Variants in WDR25 observed in about 807,000 individuals in gnomAD.
The protein encoded by WDR25 is WD repeat domain 25, also known as WD repeat-containing protein 25.
WDR25 carries 35 observed loss-of-function variants against 47.7 expected under a neutral mutation model. The ratio of observed to expected loss-of-function variants is 0.73; its 90% CI spans 0.56 to 0.97. The LOEUF (loss-of-function observed/expected upper bound fraction) is 0.97, where lower values mean the gene tolerates loss of function less well. Ranked by LOEUF, WDR25 falls within the 50% of genes least tolerant of loss-of-function variation. WDR25 has a pLI of 0.00. For synonymous variants in WDR25, 248 were observed against 278.9 expected (o/e 0.89, Z 1.10); for missense variants, 634 against 704.7 (o/e 0.90, Z 1.14).
chr14:100,520,261 A>G (rs1486726097), intron 4 of WDR25, among the ~76,000 whole-genome samples: 1 of 151,974 alleles, frequency 6.6e-6, no homozygotes, highest in Non-Finnish European at 1.5e-5. Context: ...ATTATTGTTT[A>G]TACTGATTTT....
rs866783066 is a variant in WDR25, at chr14:100,468,594, G to A, written c.970+426G>A. ...CAGCTCATAAGGAAAGTCTTCAAAC[G>A]AGTTCTGCTTTAATGCCCACACTGA... On this transcript the variant is annotated intron_variant, in intron 3 of 6. Coordinates refer to ENST00000402312, the MANE Select transcript of WDR25 (RefSeq NM_001161476.3). This position sits in a 1 kb window ranked among gnomAD's most constrained non-coding sequence, Gnocchi z 4.5. Among the ~76,000 whole-genome samples the A allele has an allele frequency of 2.0e-5, 3 of 152,192 alleles. No individual in the cohort carries two copies. The highest frequency in any genetic ancestry group is 1.9e-4 in the East Asian group (1 of 5,192).
At chr14:100,507,527 A>C (rs1901151582) in intron 4 of WDR25, among the ~76,000 whole-genome samples, 1 of 152,096 alleles carries the variant, frequency 6.6e-6, no homozygotes, top group African/African-American at 2.4e-5. Context: ...GATTCTTCGA[A>C]TCCATGAGCA....
At chr14:100,454,335 T>C (rs2140272454) in intron 2 of WDR25, 1 of 1,268,874 alleles carries the variant, frequency 7.9e-7, no homozygotes. Context: ...TTGACTGAGG[T>C]AATGGGGTAA....
At position 100,381,569 on chromosome 14, in the gene WDR25, G is replaced by A. The variant is rs1047298646; in HGVS notation, c.645G>A (p.Pro215=). 29 of 1,609,974 alleles carry A rather than the reference G, an allele frequency of 1.8e-5. No individual in the cohort carries two copies. The highest frequency in any genetic ancestry group is 4.5e-5 in the East Asian group (2 of 44,728). The change falls in exon 2 of 7, where the codon CCG becomes CCA. Residue 215 remains proline, a synonymous_variant. Coordinates refer to ENST00000402312, the MANE Select transcript of WDR25 (RefSeq NM_001161476.3). ...GRAPAPLYVG[P]GVSEFIQPYL... The stretch of plus-strand genomic sequence containing the variant: ...CCCCAGCCCCTCTCTACGTGGGCCC[G>A]GGAGTGTCTGAGTTTATTCAGCCAT...
intron 4 of WDR25, among the ~76,000 whole-genome samples, chr14:100,524,518 C>T (rs1237699220): frequency 6.6e-6 from 1 of 152,218 alleles, no homozygotes; most frequent in Non-Finnish European, 1.5e-5. Context: ...GGCAGCTTGT[C>T]TCCCTGTTCT....
At chr14:100,454,541 C>T (rs890085825) in intron 2 of WDR25, 16 of 979,978 alleles carry the variant, frequency 1.6e-5, no homozygotes, top group Non-Finnish European at 1.8e-5. Context: ...ACAAAACTAC[C>T]TGAAGGTATT....
intron 2 of WDR25, 147 bp downstream of exon 2, chr14:100,381,893 T>C (rs1013315037): frequency 1.4e-6 from 1 of 713,032 alleles, no homozygotes; most frequent in African/African-American, 1.8e-5. Flanking sequence ...GAAAGGGTCA[T>C]CTGTGGTCAG....
intron 4 of WDR25, among the ~76,000 whole-genome samples, chr14:100,487,111 G>T (rs1041340200): frequency 2.0e-5 from 3 of 152,062 alleles, no homozygotes; most frequent in Admixed American, 6.6e-5. Flanking sequence ...GCAGACCCTC[G>T]TAAGGTCGTC....
intron 2 of WDR25, among the ~76,000 whole-genome samples, chr14:100,433,722 T>A (rs1167342186): frequency 6.6e-6 from 1 of 152,178 alleles, no homozygotes; most frequent in Non-Finnish European, 1.5e-5. Context: ...CCTAGTTTCT[T>A]AGTTTAACAG....
chr14:100,382,355 G>C (rs1008937180), intron 2 of WDR25, among the ~76,000 whole-genome samples: 1 of 152,160 alleles, frequency 6.6e-6, no homozygotes, highest in Non-Finnish European at 1.5e-5. Flanking sequence ...CTTGGGGATG[G>C]GGGCAGAAGG....
intron 2 of WDR25, among the ~76,000 whole-genome samples, chr14:100,442,330 A>T (rs1898694649): frequency 6.6e-6 from 1 of 152,204 alleles, no homozygotes; most frequent in Non-Finnish European, 1.5e-5. Context: ...CCTTGGGTAG[A>T]TGGTGGTGTA....
intron 4 of WDR25, among the ~76,000 whole-genome samples, chr14:100,508,665 G>T (rs1299839595): frequency 6.6e-6 from 1 of 152,074 alleles, no homozygotes; most frequent in Non-Finnish European, 1.5e-5. Context: ...TTGTGAAAAT[G>T]GACATTTTTG....
chr14:100,488,874 C>T lies in WDR25; in HGVS notation c.1101+4750C>T, dbSNP rs560465678. Reference sequence around the variant, plus strand: ...TTATCCACAGGTGTTTATTTACAGCCGCTTGGTGTGGGAGCCTGAGTCACC... The same window carrying T: ...TTATCCACAGGTGTTTATTTACAGCTGCTTGGTGTGGGAGCCTGAGTCACC... On this transcript the variant is annotated intron_variant, in intron 4 of 6. Transcript: ENST00000402312. This position sits in a 1 kb window ranked among gnomAD's most constrained non-coding sequence, Gnocchi z 4.2. Among the ~76,000 whole-genome samples the T allele has an allele frequency of 7.9e-5, 12 of 152,280 alleles. No homozygotes were observed. The highest frequency in any genetic ancestry group is 1.4e-4 in the African/African-American group (6 of 41,566).
At chr14:100,383,565 C>T (rs2140141005) in intron 2 of WDR25, among the ~76,000 whole-genome samples, 1 of 152,396 alleles carries the variant, frequency 6.6e-6, no homozygotes, top group African/African-American at 2.4e-5. Context: ...TGGTGAGGGG[C>T]AGACCTGGGG....
At chr14:100,519,100 A>G (rs933075323) in intron 4 of WDR25, among the ~76,000 whole-genome samples, 5 of 152,124 alleles carry the variant, frequency 3.3e-5, no homozygotes, top group Non-Finnish European at 5.9e-5. Context: ...TTAAAACACA[A>G]AAGTGAATAC....
chr14:100,393,356 C>A (rs1382594962), intron 2 of WDR25, among the ~76,000 whole-genome samples: 1 of 152,190 alleles, frequency 6.6e-6, no homozygotes, highest in Non-Finnish European at 1.5e-5. Context: ...TTCATTGTCA[C>A]CTTTGCTTAG....
At chr14:100,493,454 A>G (rs1900630145) in intron 4 of WDR25, among the ~76,000 whole-genome samples, 1 of 96,586 alleles carries the variant, frequency 1.0e-5, no homozygotes, top group Non-Finnish European at 1.7e-5. Context: ...TCACTCCTTT[A>G]TGTTTTTTTT....
At chr14:100,486,622 C>G (rs1900392599) in intron 4 of WDR25, among the ~76,000 whole-genome samples, 2 of 152,182 alleles carry the variant, frequency 1.3e-5, no homozygotes, top group African/African-American at 2.4e-5. Flanking sequence ...CCCCTGCCCT[C>G]CAGGGACTCC....
intron 4 of WDR25, among the ~76,000 whole-genome samples, chr14:100,507,850 G>A (rs1341317936): frequency 6.6e-6 from 1 of 151,888 alleles, no homozygotes; most frequent in East Asian, 1.9e-4. Flanking sequence ...TCTAAATATT[G>A]AATAATATCA....
Sources: gnomAD v4.1 joint callset for allele counts (sites outside exome capture counted in the v4.1 genomes callset) on GRCh38, gnomAD v4.1.1 for gene constraint, Gnocchi (gnomAD v3.1) non-coding constraint, MANE v1.5 for transcripts, NCBI Gene and HGNC (gene_info 2026-07-23, HGNC 2026-07-21) for gene names.